IWS1: variants seen among roughly 807,000 people sequenced by gnomAD.
IWS1 encodes interacts with SUPT6H, CTD assembly factor 1, also known as protein IWS1 homolog.
Under a neutral mutation model 86.7 loss-of-function variants are expected in IWS1, and 27 were observed. That is an observed-to-expected ratio of 0.31 (90% CI 0.23 to 0.43). The LOEUF is 0.43. Ranked by LOEUF, IWS1 falls within the 20% of genes least tolerant of loss-of-function variation. The probability of loss-of-function intolerance (pLI) is 1.00; values close to 1 mark genes in which losing one functional copy is unlikely to be tolerated. For synonymous variants in IWS1, 313 were observed against 335.1 expected, an observed-to-expected ratio of 0.93 and a Z score of 0.72; for missense variants, 827 against 1,000.8, an observed-to-expected ratio of 0.83 and a Z score of 2.34.
chr2:127,505,822 AT>A lies in IWS1; in HGVS notation c.151-71del, dbSNP rs1286668930. ...AAAACCATTAATAATAAAACATTAA[AT>A]TTTTTCTGTGATTTTTTTAAAATAC... On this transcript the variant is annotated intron_variant, in intron 2 of 13. Coordinates refer to ENST00000295321, the MANE Select transcript of IWS1 (RefSeq NM_017969.3). This position sits in a 1 kb window ranked among gnomAD's most constrained non-coding sequence, Gnocchi z 5.0. The A allele has an allele frequency of 1.9e-6, 2 of 1,060,602 alleles. No individual in the cohort carries two copies. The highest frequency in any genetic ancestry group is 3.2e-5 in the African/African-American group (2 of 62,114). 65.7% of individuals were successfully genotyped at this position (1,060,602 alleles called of 1,614,324 possible). A position where few individuals can be genotyped will look rare whatever the true frequency, so the allele number is the denominator to read the frequency against.
chr2:127,521,391 A>G (rs1362978036), intron 2 of IWS1, among the ~76,000 whole-genome samples: 1 of 151,976 alleles, frequency 6.6e-6, no homozygotes, highest in African/African-American at 2.4e-5. Context: ...CTGTAGTTGG[A>G]CTATGCTGGT....
intron 6 of IWS1, among the ~76,000 whole-genome samples, chr2:127,496,550 TACACACACACACACAC>T (rs36048775): frequency 7.9e-4 from 111 of 140,426 alleles, no homozygotes; most frequent in African/African-American, 2.8e-3. Context: ...TATTTTATCA[TACACACACACACACAC>T]ACACACACAC....
chr2:127,512,320 C>T (rs2104721541), intron 2 of IWS1, among the ~76,000 whole-genome samples: 1 of 152,300 alleles, frequency 6.6e-6, no homozygotes, highest in East Asian at 1.9e-4. Context: ...CAACTAGTTA[C>T]AACTAGGTCA....
intron 2 of IWS1, among the ~76,000 whole-genome samples, chr2:127,517,237 A>G (rs1307836138): frequency 2.6e-5 from 4 of 152,224 alleles, no homozygotes; most frequent in Non-Finnish European, 5.9e-5. Context: ...CTCTGCAGAA[A>G]TCAACAAACT....
rs1573512333 is a variant in IWS1, at chr2:127,491,843, A to G, written c.2047+128T>C. On this transcript the variant is annotated intron_variant, in intron 10 of 13. Coordinates refer to ENST00000295321, the MANE Select transcript of IWS1 (RefSeq NM_017969.3). ...TGCTAGTACCTGTAAGAAGTTATTCAAAAATTTCTATTCCACTTTACCGAC... is the reference window on the plus strand; with the variant it reads ...TGCTAGTACCTGTAAGAAGTTATTCGAAAATTTCTATTCCACTTTACCGAC... 5 of 654,786 alleles carry G rather than the reference A, an allele frequency of 7.6e-6. No homozygotes were observed. The East Asian group carries it at 1.3e-4, about 17-fold the overall frequency. The allele number at this position is 654,786 out of a possible 1,614,324, so 40.6% of individuals were successfully genotyped here. A position where few individuals can be genotyped will look rare whatever the true frequency, so the allele number is the denominator to read the frequency against.
rs183978773 is a variant in IWS1 at position 127,497,429 on chromosome 2, T to C, written c.1565+711A>G. Among the ~76,000 whole-genome samples the C allele has an allele frequency of 2.4e-3, 364 of 152,324 alleles. 4 individuals are homozygous for C. Among genetic ancestry groups the C allele is most frequent in the African/African-American group, 8.4e-3 (349 of 41,574 alleles). ...AAAATAAACTGCTGCTTTTCAGTGA[T>C]AGGAAGTATAACTCTCAAAACATAA... On this transcript the variant is annotated intron_variant, in intron 6 of 13. Transcript: ENST00000295321.
intron 2 of IWS1, among the ~76,000 whole-genome samples, chr2:127,509,456 C>T (rs890796260): frequency 5.9e-5 from 9 of 152,072 alleles, no homozygotes; most frequent in African/African-American, 2.2e-4. Context: ...CGCCTGTAAT[C>T]CCAGCACTTT....
intron 9 of IWS1, among the ~76,000 whole-genome samples, chr2:127,492,307 G>A (rs1573513215): frequency 6.6e-6 from 1 of 152,188 alleles, no homozygotes; most frequent in African/African-American, 2.4e-5. Context: ...CACTTTGGGA[G>A]GCTGAGGCGG....
chr2:127,516,754 C>T (rs1166159197), intron 2 of IWS1, among the ~76,000 whole-genome samples: 1 of 152,150 alleles, frequency 6.6e-6, no homozygotes, highest in Non-Finnish European at 1.5e-5. Flanking sequence ...GCCACAAATA[C>T]ACCACTGCAC....
At chr2:127,491,927 T>C (rs754370948) in intron 10 of IWS1, 44 bp downstream of exon 10, 12 of 1,122,490 alleles carry the variant, frequency 1.1e-5, no homozygotes, top group Admixed American at 3.4e-5. Flanking sequence ...CTCTCTCTTA[T>C]CTATACACAT....
chr2:127,503,472 C>T lies in IWS1; in HGVS notation c.1324G>A (p.Glu442Lys). The change falls in exon 4 of 14, where the codon GAA (glutamate) becomes AAA (lysine). Residue 442 changes from glutamate (E) to lysine (K), a missense_variant. Glu to Lys is a moderately conservative substitution (Grantham distance 56, BLOSUM62 1). This residue lies in a region of IWS1 where 548 missense variants were observed against 560.2 expected (regional missense o/e 0.98). Transcript: ENST00000295321. ...TCAGACAATTCTTTCCCAGCTTCTT[C>T]CTCACTGTCAGATGCTATGGTCTTC... ...REKTIASDSE[E>K]EAGKELSDKK... The T allele has an allele frequency of 3.7e-6, 6 of 1,613,472 alleles. No individual in the cohort carries two copies. Among genetic ancestry groups the T allele is most frequent in the Non-Finnish European group, 5.1e-6 (6 of 1,179,678 alleles).
At chr2:127,503,668 A>AT (rs1690934508) in intron 3 of IWS1, 92 bp from the exon 4 acceptor site, 2 of 359,766 alleles carry the variant, frequency 5.6e-6, no homozygotes, top group Non-Finnish European at 8.3e-6. Flanking sequence ...AGTATACAGC[A>AT]AAAATAAATA....
intron 6 of IWS1, among the ~76,000 whole-genome samples, 185 bp downstream of exon 6, chr2:127,497,955 A>T (rs541599898): frequency 6.6e-6 from 1 of 152,344 alleles, no homozygotes; most frequent in South Asian, 2.1e-4. Flanking sequence ...ATCTGAGCAC[A>T]GGGTAAATGA....
intron 2 of IWS1, among the ~76,000 whole-genome samples, chr2:127,516,218 G>A (rs1031413149): frequency 4.6e-5 from 7 of 152,126 alleles, no homozygotes; most frequent in African/African-American, 7.2e-5. Flanking sequence ...TTAGCTGGGC[G>A]TGTGGTGTAT....
intron 5 of IWS1, among the ~76,000 whole-genome samples, chr2:127,500,584 T>A (rs1690749807): frequency 6.6e-6 from 1 of 152,182 alleles, no homozygotes; most frequent in Non-Finnish European, 1.5e-5. Flanking sequence ...TCCCCTTTCA[T>A]ACACCTTTAT....
chr2:127,484,616 A>G (rs1409103608), intron 13 of IWS1: 1 of 152,200 alleles, frequency 6.6e-6, no homozygotes, highest in Non-Finnish European at 1.5e-5. Context: ...TTGGCCACTA[A>G]GAGTTTTTAT....
chr2:127,518,562 CTTTT>C (rs747745807), intron 2 of IWS1, among the ~76,000 whole-genome samples: 5 of 116,858 alleles, frequency 4.3e-5, no homozygotes, highest in Non-Finnish European at 1.8e-5. Context: ...ACAGGCGATT[CTTTT>C]TTTTTTTTTT....
chr2:127,504,536 G>C, intron 3 of IWS1, 148 bp downstream of exon 3: 1 of 646,926 alleles, frequency 1.5e-6, no homozygotes. Context: ...ATGATAACCA[G>C]GGGAAATGAG....
chr2:127,522,933 G>C (rs1026948970), intron 2 of IWS1, among the ~76,000 whole-genome samples: 15 of 152,208 alleles, frequency 9.9e-5, no homozygotes, highest in Non-Finnish European at 2.1e-4. Flanking sequence ...TTGCAGGCCA[G>C]GTGTGGTGGC....
Sources: gnomAD v4.1 joint callset for allele counts (sites outside exome capture counted in the v4.1 genomes callset) on GRCh38, gnomAD v4.1.1 for gene constraint, gnomAD v4.1.1 regional missense constraint, Gnocchi (gnomAD v3.1) non-coding constraint, MANE v1.5 for transcripts, NCBI Gene and HGNC (gene_info 2026-07-23, HGNC 2026-07-21) for gene names.